RCAN3: variants seen among roughly 807,000 people sequenced by gnomAD.
RCAN3 encodes calcipressin-3.
A neutral mutation model predicts 21.9 loss-of-function variants in RCAN3; 19 were observed. The observed-to-expected ratio is 0.87, with a 90% CI of 0.61 to 1.27. RCAN3 has a LOEUF of 1.27. Among genes scored for constraint, RCAN3 ranks in the 50% most tolerant of loss-of-function variants. RCAN3 has a pLI of 0.00. For synonymous variants in RCAN3, 114 were observed against 112.3 expected (o/e 1.01, Z -0.09); for missense variants, 240 against 300.1 (o/e 0.80, Z 1.48).
intron 2 of RCAN3, among the ~76,000 whole-genome samples, chr1:24,519,085 ATTTT>A (rs993622232): frequency 1.3e-5 from 2 of 152,034 alleles, no homozygotes; most frequent in African/African-American, 4.8e-5. Context: ...TAATTTTTGT[ATTTT>A]TAGTAGAGAT....
chr1:24,518,878 A>G (rs1217009358), intron 2 of RCAN3, among the ~76,000 whole-genome samples: 1 of 152,030 alleles, frequency 6.6e-6, no homozygotes, highest in African/African-American at 2.4e-5. Context: ...GGTTCAAGCA[A>G]TCCTCCCACC....
intron 2 of RCAN3, among the ~76,000 whole-genome samples, chr1:24,521,905 G>A (rs561622188): frequency 8.2e-5 from 9 of 109,534 alleles, no homozygotes; most frequent in African/African-American, 3.3e-4. Context: ...TTGGTTGCTG[G>A]GGGGGGTGGG....
In RCAN3 at chr1:24,536,771, A is replaced by G. The variant is rs1339049140; in HGVS notation, c.*1494A>G. 1.3e-5 allele frequency: 2 copies of G among 152,182 alleles called. No individual in the cohort carries two copies. The highest frequency in any genetic ancestry group is 4.8e-5 in the African/African-American group (2 of 41,426). The allele number at this position is 152,182 out of a possible 1,614,324, so 9.4% of individuals were successfully genotyped here. On this transcript the variant is annotated 3_prime_UTR_variant, in exon 5 of 5. Transcript: ENST00000374395. ...ATTGTGGTTTCGTTCTCACTGTGGT[A>G]AAATTTATTTCTGAGCACTTAAACT...
chr1:24,529,201 G>C (rs770908011), intron 2 of RCAN3, among the ~76,000 whole-genome samples: 2 of 151,944 alleles, frequency 1.3e-5, no homozygotes, highest in Non-Finnish European at 2.9e-5. Context: ...GAGCCCAGGA[G>C]TTCCAGACCA....
intron 2 of RCAN3, among the ~76,000 whole-genome samples, chr1:24,521,237 T>C (rs1320242182): frequency 3.9e-5 from 6 of 152,174 alleles, no homozygotes; most frequent in Non-Finnish European, 5.9e-5. Context: ...CAAAAGGTGC[T>C]GGGAAAACTG....
At chr1:24,516,583 A>C (rs1231005032) in intron 2 of RCAN3, among the ~76,000 whole-genome samples, 1 of 152,216 alleles carries the variant, frequency 6.6e-6, no homozygotes, top group Non-Finnish European at 1.5e-5. Flanking sequence ...AAATCGGACT[A>C]GAAGAGTGAG....
chr1:24,539,718 A>G lies in RCAN3; in HGVS notation c.*4441A>G, dbSNP rs1286937412. Reference sequence around the variant, plus strand: ...GGGAAAATCTCACACATAATTAAGCAGTGGAAAATGTGCTCAATGCTATGG... The same window carrying G: ...GGGAAAATCTCACACATAATTAAGCGGTGGAAAATGTGCTCAATGCTATGG... On this transcript the variant is annotated 3_prime_UTR_variant, in exon 5 of 5. Transcript: ENST00000374395. 6.6e-6 allele frequency: 1 copy of G among 152,256 alleles called. No homozygotes were observed. The highest frequency in any genetic ancestry group is 1.5e-5 in the Non-Finnish European group (1 of 68,044). The allele number at this position is 152,256 out of a possible 1,614,324, so 9.4% of individuals were successfully genotyped here.
At chr1:24,520,207 A>G (rs983440870) in intron 2 of RCAN3, among the ~76,000 whole-genome samples, 1 of 152,216 alleles carries the variant, frequency 6.6e-6, no homozygotes, top group African/African-American at 2.4e-5. Flanking sequence ...AAACATCCTA[A>G]GGTTTCACTA....
intron 1 of RCAN3, among the ~76,000 whole-genome samples, chr1:24,506,822 G>A (rs1312634976): frequency 2.0e-5 from 3 of 151,286 alleles, no homozygotes; most frequent in Non-Finnish European, 4.4e-5. Context: ...ATCTTTTTAC[G>A]GGTTAGACGA....
At chr1:24,518,548 G>T (rs1648528886) in intron 2 of RCAN3, among the ~76,000 whole-genome samples, 1 of 151,780 alleles carries the variant, frequency 6.6e-6, no homozygotes, top group Non-Finnish European at 1.5e-5. Flanking sequence ...GTCCCAATGT[G>T]ATTGTATTTG....
At chr1:24,529,128 A>T (rs936094193) in intron 2 of RCAN3, among the ~76,000 whole-genome samples, 1 of 152,190 alleles carries the variant, frequency 6.6e-6, no homozygotes, top group African/African-American at 2.4e-5. Flanking sequence ...TTTAGAATCA[A>T]CTGGCGCAGT....
intron 2 of RCAN3, among the ~76,000 whole-genome samples, chr1:24,528,801 C>T (rs1386112302): frequency 6.6e-6 from 1 of 152,050 alleles, no homozygotes; most frequent in Non-Finnish European, 1.5e-5. Context: ...TGAAACAGAC[C>T]CCCAAAAAAT....
chr1:24,529,568 T>A (rs1570478967), intron 2 of RCAN3, among the ~76,000 whole-genome samples: 2 of 139,618 alleles, frequency 1.4e-5, no homozygotes, highest in African/African-American at 5.2e-5. Context: ...TTTTTTTTTT[T>A]AGGACAGAGT....
intron 2 of RCAN3, among the ~76,000 whole-genome samples, chr1:24,524,449 G>T (rs1368726940): frequency 6.6e-6 from 1 of 152,096 alleles, no homozygotes; most frequent in African/African-American, 2.4e-5. Flanking sequence ...TAGCACTTTT[G>T]ACTGTAGGTC....
At chr1:24,530,229 C>T (rs535707453) in intron 2 of RCAN3, among the ~76,000 whole-genome samples, 2 of 151,618 alleles carry the variant, frequency 1.3e-5, no homozygotes, top group South Asian at 4.2e-4. Flanking sequence ...GTGGCAGGTG[C>T]CTATAGTCCC....
chr1:24,527,312 A>C (rs1244049772), intron 2 of RCAN3, among the ~76,000 whole-genome samples: 1 of 152,300 alleles, frequency 6.6e-6, no homozygotes, highest in Admixed American at 6.5e-5. Context: ...TTTCTGTATT[A>C]CTTTAATATA....
chr1:24,503,339 C>G (rs1330886727), intron 1 of RCAN3, among the ~76,000 whole-genome samples, 189 bp downstream of exon 1: 1 of 151,980 alleles, frequency 6.6e-6, no homozygotes, highest in Non-Finnish European at 1.5e-5. Flanking sequence ...TCCCGCCGCA[C>G]CCTTCTCGCG....
At chr1:24,509,320 T>C (rs1024248430) in intron 1 of RCAN3, among the ~76,000 whole-genome samples, 2 of 152,238 alleles carry the variant, frequency 1.3e-5, no homozygotes, top group Non-Finnish European at 2.9e-5. Flanking sequence ...ACGAAAGATT[T>C]CTCTGTAGTA....
Position 24,525,064 on chromosome 1 carries a change from AC to A in RCAN3, c.196-6153del, listed in dbSNP as rs1649155482. ...TGTTCCCAGTTTGTTCTTCAGTGAA[AC>A]AGCTAAACCTTGCCTTCTCCGAATT... On this transcript the variant is annotated intron_variant, in intron 2 of 4. Coordinates refer to ENST00000374395, the MANE Select transcript of RCAN3 (RefSeq NM_013441.4). This position sits in a 1 kb window ranked among gnomAD's most constrained non-coding sequence, Gnocchi z 4.1. Among the ~76,000 whole-genome samples, 2 of 151,910 alleles carry A rather than the reference AC, an allele frequency of 1.3e-5. No individual in the cohort carries two copies. Among genetic ancestry groups the A allele is most frequent in the African/African-American group, 4.8e-5 (2 of 41,364 alleles).
Sources: allele counts gnomAD v4.1 joint callset (sites outside exome capture counted in the v4.1 genomes callset), GRCh38; gene constraint gnomAD v4.1.1; non-coding constraint Gnocchi (gnomAD v3.1); transcripts MANE v1.5; gene names NCBI Gene and HGNC (gene_info 2026-07-23, HGNC 2026-07-21).